The following CSMD2 variants were observed in gnomAD, a reference collection of about 807,000 sequenced individuals.
The protein encoded by CSMD2 is CUB and sushi domain-containing protein 2.
A neutral mutation model predicts 398.5 loss-of-function variants in CSMD2; 130 were observed. The ratio of observed to expected loss-of-function variants is 0.33; its 90% CI spans 0.28 to 0.38. CSMD2 has a LOEUF of 0.38. Ranked by LOEUF, CSMD2 falls within the 10% of genes least tolerant of loss-of-function variation. CSMD2 has a pLI of 1.00. For synonymous variants in CSMD2, 1,828 were observed against 1,908.5 expected (o/e 0.96, Z 1.10); for missense variants, 3,829 against 4,764.9 (o/e 0.80, Z 5.78).
intron 4 of CSMD2, among the ~76,000 whole-genome samples, chr1:33,930,575 G>A (rs940063476): frequency 1.3e-5 from 2 of 152,180 alleles, no homozygotes; most frequent in African/African-American, 4.8e-5. Context: ...CCTACCACCT[G>A]CCTCTCAGTC....
intron 21 of CSMD2, chr1:33,709,596 C>T (rs1004402367): frequency 2.3e-5 from 9 of 390,056 alleles, no homozygotes; most frequent in African/African-American, 1.0e-4. Flanking sequence ...CATATAGTAG[C>T]GTAGCAACAG....
intron 1 of CSMD2, among the ~76,000 whole-genome samples, chr1:34,147,203 A>G (rs1217443686): frequency 6.6e-6 from 1 of 152,200 alleles, no homozygotes; most frequent in African/African-American, 2.4e-5. Flanking sequence ...GCTTGCAGTG[A>G]GCCGAGATCG....
intron 21 of CSMD2, among the ~76,000 whole-genome samples, 177 bp downstream of exon 21, chr1:33,714,410 A>C (rs1002137922): frequency 1.3e-5 from 2 of 152,248 alleles, no homozygotes; most frequent in Admixed American, 1.3e-4. Flanking sequence ...TTTGCAGATA[A>C]GGAGGATGGA....
At chr1:33,782,837 G>A (rs1172332838) in intron 12 of CSMD2, among the ~76,000 whole-genome samples, 2 of 152,238 alleles carry the variant, frequency 1.3e-5, no homozygotes, top group East Asian at 3.9e-4. Context: ...ATGTCATGTA[G>A]AAAACGTTAT....
chr1:33,977,978 G>A (rs1188564340), intron 3 of CSMD2, among the ~76,000 whole-genome samples: 2 of 127,160 alleles, frequency 1.6e-5, no homozygotes, highest in East Asian at 5.7e-4. Context: ...GTGTGAGGTG[G>A]AGCACACCTC....
At chr1:34,021,255 G>A (rs930902363) in intron 3 of CSMD2, among the ~76,000 whole-genome samples, 1 of 152,182 alleles carries the variant, frequency 6.6e-6, no homozygotes, top group Non-Finnish European at 1.5e-5. Context: ...GTCACCCCAA[G>A]GAAGAGGTGG....
rs542312101 is a variant in CSMD2, at chr1:34,086,639, A to G, written c.404+2338T>C. On this transcript the variant is annotated intron_variant, in intron 2 of 70. Coordinates refer to ENST00000373381, the MANE Select transcript of CSMD2 (RefSeq NM_001281956.2). ...GTCCACTCTGTGTTTGGAATACAGC[A>G]CAGAGCTGGCCACTTCTCATCATGT... 1.0e-3 allele frequency among the ~76,000 whole-genome samples: 154 copies of G among 152,286 alleles called. 1 individual carries two copies. Among genetic ancestry groups the G allele is most frequent in the Non-Finnish European group, 1.2e-3 (81 of 68,018 alleles).
At chr1:33,652,639 T>C (rs1262720882) in intron 27 of CSMD2, among the ~76,000 whole-genome samples, 178 bp from the exon 28 acceptor site, 1 of 152,190 alleles carries the variant, frequency 6.6e-6, no homozygotes, top group Non-Finnish European at 1.5e-5. Context: ...GGTGGGAATA[T>C]TTCAGAGATA....
chr1:33,716,791 C>A (rs527633641), intron 19 of CSMD2, among the ~76,000 whole-genome samples: 18 of 152,254 alleles, frequency 1.2e-4, no homozygotes, highest in African/African-American at 4.1e-4. Context: ...TATGGCTTGA[C>A]CTATGAGAAT....
rs767026560 is a variant in CSMD2, at chr1:33,533,248, C to G, written c.9992-19G>C. On this transcript the variant is annotated intron_variant, in intron 63 of 70. Coordinates refer to ENST00000373381, the MANE Select transcript of CSMD2 (RefSeq NM_001281956.2). The surrounding 1 kb of genome is among the most constrained non-coding windows in gnomAD (Gnocchi z 4.2). ...TGGTGGGCTGGATGAGAGGAAAGAC[C>G]CTGTTGGACTGGAGGAGATTAGGGG... The G allele has an allele frequency of 2.5e-6, 4 of 1,612,288 alleles. No homozygotes were observed. Among genetic ancestry groups the G allele is most frequent in the Non-Finnish European group, 3.4e-6 (4 of 1,179,414 alleles).
intron 64 of CSMD2, among the ~76,000 whole-genome samples, chr1:33,531,458 GT>G (rs1279085428): frequency 6.6e-6 from 1 of 152,136 alleles, no homozygotes; most frequent in African/African-American, 2.4e-5. Flanking sequence ...TAGAGTTACT[GT>G]TTTCCTAGAT....
chr1:33,891,059 TTAAAC>T (rs1358054119), intron 5 of CSMD2, among the ~76,000 whole-genome samples: 1 of 152,080 alleles, frequency 6.6e-6, no homozygotes, highest in East Asian at 1.9e-4. Flanking sequence ...TGGGATCTAA[TTAAAC>T]TAAAGAGCTT....
intron 13 of CSMD2, among the ~76,000 whole-genome samples, chr1:33,761,506 C>T (rs1448647316): frequency 6.6e-6 from 1 of 152,208 alleles, no homozygotes; most frequent in Non-Finnish European, 1.5e-5. Flanking sequence ...GAGCTCAAGC[C>T]TTCCCATTAG....
chr1:34,053,487 G>A (rs1304167919), intron 2 of CSMD2, among the ~76,000 whole-genome samples: 1 of 152,118 alleles, frequency 6.6e-6, no homozygotes, highest in African/African-American at 2.4e-5. Flanking sequence ...AATGGTGTGT[G>A]TAGTTTCAAT....
intron 28 of CSMD2, among the ~76,000 whole-genome samples, chr1:33,650,679 T>A (rs571552194): frequency 6.6e-6 from 1 of 152,100 alleles, no homozygotes; most frequent in East Asian, 1.9e-4. Context: ...AAATAAAGGA[T>A]CTATTTGTTT....
chr1:33,864,742 G>T, intron 5 of CSMD2: 2 of 1,607,718 alleles, frequency 1.2e-6, no homozygotes, highest in Non-Finnish European at 1.7e-6. Context: ...AAAAGAGTCA[G>T]GCAGAGCTGA....
At chr1:33,997,869 G>A (rs1646776568) in intron 3 of CSMD2, among the ~76,000 whole-genome samples, 1 of 152,124 alleles carries the variant, frequency 6.6e-6, no homozygotes, top group African/African-American at 2.4e-5. Flanking sequence ...AAATGTAGTG[G>A]CAATCTAAGG....
chr1:33,966,176 TCCAGC>T (rs1430862307), intron 3 of CSMD2, among the ~76,000 whole-genome samples: 1 of 151,810 alleles, frequency 6.6e-6, no homozygotes, highest in Admixed American at 6.6e-5. Context: ...ATCCAAGGAG[TCCAGC>T]CTTGAGCCTC....
chr1:33,741,692 AT>A (rs1378259107), intron 14 of CSMD2, among the ~76,000 whole-genome samples: 1 of 152,124 alleles, frequency 6.6e-6, no homozygotes, highest in Non-Finnish European at 1.5e-5. Context: ...CATTTTTACA[AT>A]GGTAGAGAAA....
Sources: gnomAD v4.1 joint callset for allele counts (sites outside exome capture counted in the v4.1 genomes callset) on GRCh38, gnomAD v4.1.1 for gene constraint, Gnocchi (gnomAD v3.1) non-coding constraint, MANE v1.5 for transcripts, NCBI Gene and HGNC (gene_info 2026-07-23, HGNC 2026-07-21) for gene names.